STAG1: variants seen among roughly 807,000 people sequenced by gnomAD.
STAG1 encodes the protein cohesin subunit SA-1.
In STAG1, 26 loss-of-function variants were observed where a neutral mutation model predicts 170.9. That is an observed-to-expected ratio of 0.15 (90% confidence interval 0.11 to 0.21). The LOEUF is 0.21. Ranked by LOEUF, STAG1 falls within the 10% of genes least tolerant of loss-of-function variation. The pLI is 1.00. For missense variants in STAG1, 964 were observed against 1,509.5 expected, an observed-to-expected ratio of 0.64 and a Z score of 5.99; for synonymous variants, 514 against 497.7, an observed-to-expected ratio of 1.03 and a Z score of -0.44.
rs554246490 is a variant in STAG1 at position 136,635,934 on chromosome 3, A to T, written c.-83-4953T>A. On this transcript the variant is annotated intron_variant, in intron 1 of 33. Coordinates refer to ENST00000383202, the MANE Select transcript of STAG1 (RefSeq NM_005862.3). ...AAAATACGTAGAATCTATATAAGAA[A>T]AACAATAAAATTGTAATGTAAGAAA... Among the ~76,000 whole-genome samples the T allele has an allele frequency of 2.0e-5, 3 of 152,332 alleles. No individual in the cohort carries two copies. In the South Asian group the frequency reaches 6.2e-4, roughly 32 times the overall value.
At chr3:136,698,916 C>T (rs1224599369) in intron 1 of STAG1, among the ~76,000 whole-genome samples, 1 of 152,140 alleles carries the variant, frequency 6.6e-6, no homozygotes, top group Non-Finnish European at 1.5e-5. Context: ...TTCACAGCTA[C>T]TTGGATGGAG....
intron 1 of STAG1, among the ~76,000 whole-genome samples, chr3:136,690,242 TTTTG>T (rs977990387): frequency 2.0e-5 from 3 of 152,082 alleles, no homozygotes; most frequent in African/African-American, 4.8e-5. Flanking sequence ...TTTTGGCTTT[TTTTG>T]TTTGTTTTGA....
chr3:136,464,374 G>C (rs34379561), intron 13 of STAG1, among the ~76,000 whole-genome samples: 54,708 of 151,246 alleles, frequency 0.36, 10,894 homozygotes, highest in African/African-American at 0.52. Context: ...GGTGAGTCGA[G>C]ACTGCACCAT....
At chr3:136,475,016 A>T (rs1404953882) in intron 10 of STAG1, among the ~76,000 whole-genome samples, 2 of 152,104 alleles carry the variant, frequency 1.3e-5, no homozygotes, top group African/African-American at 2.4e-5. Flanking sequence ...ATACCCTCTA[A>T]GGTACAATTT....
intron 7 of STAG1, among the ~76,000 whole-genome samples, chr3:136,519,558 T>C (rs1433172493): frequency 6.6e-6 from 1 of 152,030 alleles, no homozygotes; most frequent in African/African-American, 2.4e-5. Flanking sequence ...AATTGCTGAA[T>C]TTCCTATGCA....
At chr3:136,591,631 G>C in intron 4 of STAG1, 1 of 282,900 alleles carries the variant, frequency 3.5e-6, no homozygotes, top group South Asian at 3.0e-5. Context: ...AAGAAATATG[G>C]CTATTGTGCA....
chr3:136,354,754 C>CAAAAAAAAAAAAAAAAA lies in STAG1; in HGVS notation c.3065+2965_3065+2966insTTTTTTTTTTTTTTTTT. Among the ~76,000 whole-genome samples, 12 of 6,514 alleles carry CAAAAAAAAAAAAAAAAA rather than the reference C, an allele frequency of 1.8e-3. 2 individuals are homozygous for CAAAAAAAAAAAAAAAAA. The highest frequency in any genetic ancestry group is 3.6e-3 in the African/African-American group (5 of 1,388). 4.3% of individuals were successfully genotyped at this position (6,514 alleles called of 152,430 possible). ...AAGAAGGCAGTAAAGGAGAAAGAACCAAAAAAAAAAAAAACCAAAAAACAA... is the reference window on the plus strand; with the variant it reads ...AAGAAGGCAGTAAAGGAGAAAGAACCAAAAAAAAAAAAAAAAAAAAAAAAAAAAAAACCAAAAAACAA... On this transcript the variant is annotated intron_variant, in intron 28 of 33. Transcript: ENST00000383202.
chr3:136,352,735 T>C (rs188725876), intron 28 of STAG1, among the ~76,000 whole-genome samples: 1 of 152,356 alleles, frequency 6.6e-6, no homozygotes, highest in East Asian at 1.9e-4. Context: ...ATAGTATATT[T>C]GACATTTCAT....
At chr3:136,398,894 C>T (rs1253669961) in intron 21 of STAG1, 65 bp from the exon 22 acceptor site, 3 of 958,448 alleles carry the variant, frequency 3.1e-6, no homozygotes, top group East Asian at 3.2e-5. Flanking sequence ...TCTGTTTGCA[C>T]CGTGCTAAGA....
rs571270217 is a variant in STAG1, at chr3:136,346,698, A to C, written c.3271+2460T>G. ...TCGCTATGTGCCAGAGACTGACTTA[A>C]GTGCTTTATAAATATGTCAAATAAA... On this transcript the variant is annotated intron_variant, in intron 29 of 33. Transcript: ENST00000383202. 3.0e-4 allele frequency among the ~76,000 whole-genome samples: 45 copies of C among 152,376 alleles called. 1 individual carries two copies. The South Asian group carries it at 8.9e-3, about 30-fold the overall frequency.
intron 1 of STAG1, among the ~76,000 whole-genome samples, chr3:136,640,264 ATT>A (rs924129903): frequency 2.0e-5 from 3 of 152,138 alleles, no homozygotes; most frequent in Non-Finnish European, 4.4e-5. Flanking sequence ...CCGAACAAAT[ATT>A]GTTTATTGAA....
intron 23 of STAG1, among the ~76,000 whole-genome samples, chr3:136,373,500 C>A (rs1278326372): frequency 6.6e-6 from 1 of 151,868 alleles, no homozygotes; most frequent in African/African-American, 2.4e-5. Context: ...CTATAAATTT[C>A]CCTCTACACA....
intron 6 of STAG1, among the ~76,000 whole-genome samples, chr3:136,523,434 T>C (rs747052681): frequency 6.6e-6 from 1 of 152,116 alleles, no homozygotes; most frequent in Admixed American, 6.5e-5. Context: ...TCTTGTAAAT[T>C]TGTTTGAATT....
intron 1 of STAG1, among the ~76,000 whole-genome samples, chr3:136,749,306 A>G (rs1324302021): frequency 6.6e-6 from 1 of 152,210 alleles, no homozygotes; most frequent in South Asian, 2.1e-4. Flanking sequence ...TCCTGCTAGC[A>G]TGGATAAAAG....
intron 1 of STAG1, among the ~76,000 whole-genome samples, chr3:136,723,839 T>G (rs1184773810): frequency 7.4e-5 from 8 of 108,554 alleles, no homozygotes; most frequent in Admixed American, 2.9e-4. Flanking sequence ...GGTGGGGGGG[T>G]CAGCCCCCCG....
At position 136,398,841 on chromosome 3, in the gene STAG1, G is replaced by A. The variant is rs774990097; in HGVS notation, c.2197-12C>T. Reference sequence around the variant, plus strand: ...GCTTGCACGACTATCTGTATCAAATGAAAAAAAATTTTTTTAATGAAAAAT... The same window carrying A: ...GCTTGCACGACTATCTGTATCAAATAAAAAAAAATTTTTTTAATGAAAAAT... On this transcript the variant is annotated splice_polypyrimidine_tract_variant and intron_variant, in intron 21 of 33. Coordinates refer to ENST00000383202, the MANE Select transcript of STAG1 (RefSeq NM_005862.3). 5.9e-6 allele frequency: 9 copies of A among 1,525,396 alleles called. No homozygotes were observed. The East Asian group carries it at 2.2e-4, about 37-fold the overall frequency. The allele number at this position is 1,525,396 out of a possible 1,614,324, so 94.5% of individuals were successfully genotyped here.
intron 1 of STAG1, among the ~76,000 whole-genome samples, chr3:136,716,469 G>GA (rs1036640142): frequency 3.3e-5 from 5 of 150,050 alleles, no homozygotes; most frequent in South Asian, 4.2e-4. Context: ...TCTCAAAAAA[G>GA]AAAAAAAAAG....
intron 22 of STAG1, among the ~76,000 whole-genome samples, chr3:136,398,389 A>G (rs1187126104): frequency 6.6e-6 from 1 of 152,132 alleles, no homozygotes; most frequent in East Asian, 1.9e-4. Flanking sequence ...AAGTGCTGGG[A>G]TTATAGGCGT....
chr3:136,735,849 G>A (rs1934303544), intron 1 of STAG1, among the ~76,000 whole-genome samples: 1 of 152,220 alleles, frequency 6.6e-6, no homozygotes, highest in African/African-American at 2.4e-5. Flanking sequence ...AACAAATGCA[G>A]ACAAGCTAGG....
Sources: gnomAD v4.1 joint callset for allele counts (sites outside exome capture counted in the v4.1 genomes callset) on GRCh38, gnomAD v4.1.1 for gene constraint, MANE v1.5 for transcripts, NCBI Gene and HGNC (gene_info 2026-07-23, HGNC 2026-07-21) for gene names.